The following MAP7 variants were observed in gnomAD, a reference collection of about 807,000 sequenced individuals.
The protein encoded by MAP7 is microtubule associated protein 7, also known as ensconsin.
In MAP7, 52 loss-of-function variants were observed where a neutral mutation model predicts 94.8. The ratio of observed to expected loss-of-function variants is 0.55; its 90% CI spans 0.44 to 0.69. The LOEUF (loss-of-function observed/expected upper bound fraction) is 0.69. MAP7 is among the 30% of genes least tolerant of loss of function. MAP7 has a pLI of 0.00. For synonymous variants in MAP7, 350 were observed against 357.0 expected (o/e 0.98, Z 0.22); for missense variants, 940 against 964.6 (o/e 0.97, Z 0.34).
chr6:136,454,999 C>T (rs1009162268), intron 1 of MAP7, among the ~76,000 whole-genome samples: 3 of 151,948 alleles, frequency 2.0e-5, no homozygotes, highest in African/African-American at 7.3e-5. Flanking sequence ...ACAAAAATTG[C>T]CTTAAACTTA....
At chr6:136,415,780 A>G (rs917503756) in intron 2 of MAP7, among the ~76,000 whole-genome samples, 15 of 152,372 alleles carry the variant, frequency 9.8e-5, no homozygotes, top group East Asian at 1.9e-4. Flanking sequence ...AATAAGGCCA[A>G]TGCTTAGGAC....
At chr6:136,456,815 A>AGGAAGAT (rs1491291638) in intron 1 of MAP7, among the ~76,000 whole-genome samples, 11 of 91,924 alleles carry the variant, frequency 1.2e-4, no homozygotes, top group Non-Finnish European at 2.3e-4. Flanking sequence ...AAGAAGAAGA[A>AGGAAGAT]GAAGAAGGAA....
In MAP7 at chr6:136,354,349, G is replaced by T. The variant is rs1025447416; in HGVS notation, c.2015+2343C>A. Among the ~76,000 whole-genome samples, 8 of 132,774 alleles carry T rather than the reference G, an allele frequency of 6.0e-5. No homozygotes were observed. In the East Asian group the frequency reaches 1.7e-3, roughly 28 times the overall value. The allele number at this position is 132,774 out of a possible 152,430, so 87.1% of individuals were successfully genotyped here. A position where few individuals can be genotyped will look rare whatever the true frequency, so the allele number is the denominator to read the frequency against. ...CTATAAATATATATTTCCTTTAAAGGAAATATATATATAGTAGATATATAT... is the reference window on the plus strand; with the variant it reads ...CTATAAATATATATTTCCTTTAAAGTAAATATATATATAGTAGATATATAT... On this transcript the variant is annotated intron_variant, in intron 16 of 17. Coordinates refer to ENST00000354570, the MANE Select transcript of MAP7 (RefSeq NM_003980.6).
intron 3 of MAP7, among the ~76,000 whole-genome samples, chr6:136,399,164 T>G (rs1783352236): frequency 6.6e-6 from 1 of 152,058 alleles, no homozygotes; most frequent in Admixed American, 6.5e-5. Context: ...AACATCTGAG[T>G]TTGGGTCTTG....
chr6:136,535,835 G>A (rs574149852), intron 1 of MAP7, among the ~76,000 whole-genome samples: 4 of 150,676 alleles, frequency 2.7e-5, no homozygotes, highest in South Asian at 2.1e-4. Context: ...CCATGTTGGT[G>A]TGCTGCACCC....
intron 1 of MAP7, among the ~76,000 whole-genome samples, chr6:136,439,700 C>T (rs1466810653): frequency 6.6e-6 from 1 of 152,092 alleles, no homozygotes; most frequent in African/African-American, 2.4e-5. Flanking sequence ...ATTCACTGGG[C>T]TGTCATAAAG....
intron 1 of MAP7, chr6:136,526,684 C>T (rs1427739928): frequency 6.8e-5 from 67 of 985,344 alleles, no homozygotes; most frequent in Non-Finnish European, 7.8e-5. Context: ...GTTTTGCTTG[C>T]ACAAGCAGCA....
At chr6:136,481,242 C>T (rs1812764198) in intron 1 of MAP7, among the ~76,000 whole-genome samples, 1 of 152,096 alleles carries the variant, frequency 6.6e-6, no homozygotes, top group African/African-American at 2.4e-5. Flanking sequence ...ATAGAACTAC[C>T]ATATGATCCT....
intron 1 of MAP7, among the ~76,000 whole-genome samples, chr6:136,539,029 C>T (rs924900572): frequency 1.4e-4 from 21 of 152,042 alleles, no homozygotes; most frequent in Middle Eastern, 3.2e-3. Context: ...CATTCTGATG[C>T]CTTCACTATG....
intron 1 of MAP7, among the ~76,000 whole-genome samples, chr6:136,457,628 A>T (rs996988889): frequency 1.3e-5 from 2 of 152,190 alleles, no homozygotes; most frequent in African/African-American, 4.8e-5. Context: ...TATCCCTGGG[A>T]TGTAAGAATG....
chr6:136,445,202 CCATAAAAATTCCTT>C (rs1798966856), intron 1 of MAP7, among the ~76,000 whole-genome samples: 1 of 152,110 alleles, frequency 6.6e-6, no homozygotes, highest in South Asian at 2.1e-4. Flanking sequence ...AGATGGCAAG[CCATAAAAATTCCTT>C]TGAGGACGGC....
At chr6:136,485,720 G>A (rs1297199762) in intron 1 of MAP7, among the ~76,000 whole-genome samples, 2 of 151,338 alleles carry the variant, frequency 1.3e-5, no homozygotes, top group Non-Finnish European at 2.9e-5. Flanking sequence ...CCGCCACTAC[G>A]CCCGGCTAAT....
intron 3 of MAP7, among the ~76,000 whole-genome samples, chr6:136,410,029 GTCATTT>G (rs1786941957): frequency 2.6e-5 from 4 of 152,154 alleles, no homozygotes; most frequent in Non-Finnish European, 5.9e-5. Flanking sequence ...TATAAGTAAA[GTCATTT>G]TTGTTTCACC....
At position 136,362,463 on chromosome 6, in the gene MAP7, C is replaced by A; in HGVS notation, c.1513G>T (p.Glu505Ter). 6.2e-7 allele frequency: 1 copy of A among 1,614,046 alleles called. No individual in the cohort carries two copies. The highest frequency in any genetic ancestry group is 8.5e-7 in the Non-Finnish European group (1 of 1,179,996). ...EKEERERREQ[E>*]ELERQKREEL... The stretch of plus-strand genomic sequence containing the variant: ...TCTCCCATTTACCTTTCAAGCTCTT[C>A]CTGCTCCCTCCTCTCCCTTTCTTCC... The change falls in exon 11 of 18, where the codon GAA becomes TAA. Residue 505 changes from glutamate (E) to a stop codon, truncating the protein, a stop_gained. Transcript: ENST00000354570. LOFTEE classifies it high-confidence loss of function.
At chr6:136,372,413 C>T in intron 8 of MAP7, 88 bp downstream of exon 8, 1 of 1,493,512 alleles carries the variant, frequency 6.7e-7, no homozygotes, top group Admixed American at 1.9e-5. Flanking sequence ...CCCTCTTACG[C>T]CCACACCACA....
At chr6:136,506,476 A>G (rs1287326875) in intron 1 of MAP7, among the ~76,000 whole-genome samples, 2 of 152,136 alleles carry the variant, frequency 1.3e-5, no homozygotes, top group African/African-American at 2.4e-5. Context: ...TAGATAATTC[A>G]GGATATTTTA....
At chr6:136,512,614 T>C (rs1823595984) in intron 1 of MAP7, among the ~76,000 whole-genome samples, 1 of 152,164 alleles carries the variant, frequency 6.6e-6, no homozygotes, top group Admixed American at 6.5e-5. Context: ...AAAGTTGTGT[T>C]TTCGTTACGC....
chr6:136,361,032 CCGCTCGCG>C lies in MAP7; in HGVS notation c.1666_1673del (p.Arg556GlyfsTer18). The C allele has an allele frequency of 6.3e-7, 1 of 1,578,362 alleles. No individual in the cohort carries two copies. Among genetic ancestry groups the C allele is most frequent in the South Asian group, 1.1e-5 (1 of 89,042 alleles). On this transcript the variant is annotated frameshift_variant, in exon 12 of 18. Coordinates refer to ENST00000354570, the MANE Select transcript of MAP7 (RefSeq NM_003980.6). LOFTEE classifies it high-confidence loss of function. ...GCCTCTGGGCGCGCTCTGCCTCCTC[CCGCTCGCG>C]CAGCGCCCGCTCCTCCGCCTGCCGC...
chr6:136,494,774 G>A (rs892371367), intron 1 of MAP7, among the ~76,000 whole-genome samples: 8 of 152,240 alleles, frequency 5.3e-5, no homozygotes, highest in South Asian at 4.1e-4. Flanking sequence ...TCCTTAAGAA[G>A]GGGCCTAAAA....
Sources: allele counts gnomAD v4.1 joint callset (sites outside exome capture counted in the v4.1 genomes callset), GRCh38; gene constraint gnomAD v4.1.1; transcripts MANE v1.5; gene names NCBI Gene and HGNC (gene_info 2026-07-23, HGNC 2026-07-21).